KLF12: variants seen among roughly 807,000 people sequenced by gnomAD.
KLF12 encodes the protein KLF transcription factor 12, also known as Krueppel-like factor 12.
Under a neutral mutation model 37.8 loss-of-function variants are expected in KLF12, and 9 were observed. The ratio of observed to expected loss-of-function variants is 0.24; its 90% CI spans 0.14 to 0.42. The LOEUF is 0.42. Ranked by LOEUF, KLF12 falls within the 10% of genes least tolerant of loss-of-function variation. KLF12 has a pLI of 1.00. For missense variants in KLF12, 411 were observed against 516.0 expected (o/e 0.80, Z 1.97); for synonymous variants, 208 against 202.1 (o/e 1.03, Z -0.25).
At chr13:73,868,327 T>TTGG (rs1555317353) in intron 3 of KLF12, among the ~76,000 whole-genome samples, 3 of 35,974 alleles carry the variant, frequency 8.3e-5, no homozygotes, top group African/African-American at 4.1e-4. Context: ...GCGGGGGCGG[T>TTGG]GGGGGGGGGG....
chr13:74,112,043 A>G (rs553138115), intron 1 of KLF12, among the ~76,000 whole-genome samples: 131 of 152,332 alleles, frequency 8.6e-4, no homozygotes, highest in Middle Eastern at 3.4e-3. Flanking sequence ...CTGCAAAAAG[A>G]AAAAAGGAAC....
the KLF12 span, among the ~76,000 whole-genome samples, chr13:74,199,942 A>G: frequency 6.6e-6 from 1 of 152,094 alleles, no homozygotes; most frequent in Non-Finnish European, 1.5e-5. Flanking sequence ...AGTAATGATC[A>G]CTAGTCATTT....
chr13:73,757,811 G>A (rs983133514), intron 6 of KLF12, among the ~76,000 whole-genome samples: 2 of 152,054 alleles, frequency 1.3e-5, no homozygotes, highest in East Asian at 3.8e-4. Context: ...AATTTTTTCA[G>A]CCCAAATATA....
the KLF12 span, among the ~76,000 whole-genome samples, chr13:74,177,069 A>T: frequency 6.6e-6 from 1 of 152,176 alleles, no homozygotes; most frequent in Non-Finnish European, 1.5e-5. Flanking sequence ...ACAGTGCATT[A>T]TTATTAATGG....
chr13:74,175,556 A>G, the KLF12 span, among the ~76,000 whole-genome samples: 1 of 152,174 alleles, frequency 6.6e-6, no homozygotes, highest in African/African-American at 2.4e-5. Context: ...TGATGCTTCC[A>G]GGGGCATCCC....
At chr13:74,026,974 T>C (rs1892991133) in intron 1 of KLF12, among the ~76,000 whole-genome samples, 1 of 151,614 alleles carries the variant, frequency 6.6e-6, no homozygotes, top group Admixed American at 6.6e-5. Context: ...TAACAGGAAA[T>C]GGTGCCACTG....
At chr13:73,774,283 T>C (rs1034185714) in intron 5 of KLF12, among the ~76,000 whole-genome samples, 2,027 of 145,348 alleles carry the variant, frequency 0.014, 20 homozygotes, top group Non-Finnish European at 0.021. Flanking sequence ...TATATATATA[T>C]ACACACACAC....
chr13:73,734,932 G>T (rs1485209618), intron 6 of KLF12, among the ~76,000 whole-genome samples: 1 of 151,998 alleles, frequency 6.6e-6, no homozygotes, highest in Non-Finnish European at 1.5e-5. Flanking sequence ...ACACCATTCT[G>T]CAAGAGGTAA....
chr13:74,157,185 A>G, the KLF12 span, among the ~76,000 whole-genome samples: 1,716 of 152,348 alleles, frequency 0.011, 29 homozygotes, highest in African/African-American at 0.039. Flanking sequence ...TTACCCATCA[A>G]GAGATATTTG....
At chr13:73,932,560 G>C (rs377121383) in intron 3 of KLF12, among the ~76,000 whole-genome samples, 5 of 152,148 alleles carry the variant, frequency 3.3e-5, no homozygotes, top group African/African-American at 1.2e-4. Context: ...TCTAGAAGGT[G>C]AATCTAATAT....
chr13:73,851,836 T>G (rs1163917664), intron 3 of KLF12, among the ~76,000 whole-genome samples: 1 of 152,192 alleles, frequency 6.6e-6, no homozygotes, highest in African/African-American at 2.4e-5. Flanking sequence ...CCTTGGAGCT[T>G]TTAGGTTACG....
Position 73,852,308 on chromosome 13 carries a change from T to A in KLF12, c.124-5935A>T, listed in dbSNP as rs146194424. ...TAAAGCAAAGTATACTAAAGAAAGA[T>A]AAATTGTACTTCCTCTAAAAGTACA... On this transcript the variant is annotated intron_variant, in intron 3 of 7. Coordinates refer to ENST00000377669, the MANE Select transcript of KLF12 (RefSeq NM_007249.5). 3.7e-3 allele frequency among the ~76,000 whole-genome samples: 567 copies of A among 152,284 alleles called. 4 individuals carry two copies. Among genetic ancestry groups the A allele is most frequent in the African/African-American group, 0.013 (538 of 41,560 alleles).
At chr13:74,200,809 T>C in the KLF12 span, among the ~76,000 whole-genome samples, 1 of 152,066 alleles carries the variant, frequency 6.6e-6, no homozygotes, top group Non-Finnish European at 1.5e-5. Context: ...TTCTCTCAGT[T>C]TTTTAATTGC....
At chr13:74,157,874 A>G in the KLF12 span, among the ~76,000 whole-genome samples, 1 of 152,180 alleles carries the variant, frequency 6.6e-6, no homozygotes, top group African/African-American at 2.4e-5. Flanking sequence ...CATGGCATTC[A>G]TCAGGTGCCC....
intron 6 of KLF12, among the ~76,000 whole-genome samples, chr13:73,729,267 T>C (rs750452215): frequency 2.6e-5 from 4 of 152,256 alleles, no homozygotes; most frequent in Non-Finnish European, 4.4e-5. Context: ...TTCTGCATTA[T>C]TGGCCACACA....
chr13:74,039,123 TAATTAATTTC>T (rs757279909), intron 1 of KLF12, among the ~76,000 whole-genome samples: 2 of 152,078 alleles, frequency 1.3e-5, no homozygotes, highest in Admixed American at 6.6e-5. Flanking sequence ...CCTTTGCTTC[TAATTAATTTC>T]AATTAACAGT....
At chr13:73,827,086 T>C (rs951292434) in intron 4 of KLF12, among the ~76,000 whole-genome samples, 14 of 152,216 alleles carry the variant, frequency 9.2e-5, no homozygotes, top group African/African-American at 2.9e-4. Flanking sequence ...TGGCCAACAA[T>C]ATGATATTTC....
At chr13:73,711,764 G>GACTTTTAAGTCTT (rs1875415841) in intron 7 of KLF12, among the ~76,000 whole-genome samples, 1 of 152,144 alleles carries the variant, frequency 6.6e-6, no homozygotes, top group Non-Finnish European at 1.5e-5. Context: ...GAGTCATTTT[G>GACTTTTAAGTCTT]ACTTTTAAGT....
At chr13:73,810,010 C>A in intron 5 of KLF12, among the ~76,000 whole-genome samples, 1 of 152,158 alleles carries the variant, frequency 6.6e-6, no homozygotes, top group East Asian at 1.9e-4. Context: ...CTTTGGGAGG[C>A]CAAGGCAGGC....
Sources: allele counts gnomAD v4.1 joint callset (sites outside exome capture counted in the v4.1 genomes callset), GRCh38; gene constraint gnomAD v4.1.1; transcripts MANE v1.5; gene names NCBI Gene and HGNC (gene_info 2026-07-23, HGNC 2026-07-21).